Variants in SORT1 observed in about 807,000 individuals in gnomAD.
The protein encoded by SORT1 is sortilin.
In SORT1, 39 loss-of-function variants were observed where a neutral mutation model predicts 101.7. That is an observed-to-expected ratio of 0.38 (90% confidence interval 0.30 to 0.50). The LOEUF (loss-of-function observed/expected upper bound fraction) is 0.50, where lower values mean the gene tolerates loss of function less well. SORT1 is among the 20% of genes least tolerant of loss of function. The probability of loss-of-function intolerance (pLI) is 0.90; values close to 1 mark genes in which losing one functional copy is unlikely to be tolerated. For synonymous variants in SORT1, 396 were observed against 393.7 expected, an observed-to-expected ratio of 1.01 and a Z score of -0.07; for missense variants, 878 against 1,040.4, an observed-to-expected ratio of 0.84 and a Z score of 2.15.
chr1:109,318,090 T>G (rs1647359711), intron 15 of SORT1, 121 bp from the exon 16 acceptor site: 1 of 626,822 alleles, frequency 1.6e-6, no homozygotes, highest in Non-Finnish European at 2.9e-6. Flanking sequence ...TGTTAGAAAG[T>G]AGCTCAGGAA....
At chr1:109,337,400 C>T (rs780008595) in intron 10 of SORT1, among the ~76,000 whole-genome samples, 1 of 151,918 alleles carries the variant, frequency 6.6e-6, no homozygotes, top group African/African-American at 2.4e-5. Context: ...GCACCTGCCG[C>T]CTGGCTAATG....
intron 1 of SORT1, chr1:109,392,708 T>A: frequency 1.0e-6 from 1 of 984,676 alleles, no homozygotes; most frequent in Non-Finnish European, 1.2e-6. Flanking sequence ...TTACACTTCA[T>A]CAAATCTGCT....
chr1:109,348,916 C>G (rs929432557), intron 6 of SORT1, among the ~76,000 whole-genome samples: 1 of 152,052 alleles, frequency 6.6e-6, no homozygotes, highest in Non-Finnish European at 1.5e-5. Flanking sequence ...CTGCAATGAG[C>G]AGAGATCGTG....
chr1:109,363,993 T>C (rs1650913290), intron 3 of SORT1, among the ~76,000 whole-genome samples: 1 of 152,152 alleles, frequency 6.6e-6, no homozygotes, highest in Non-Finnish European at 1.5e-5. Flanking sequence ...AGTTTCCGCC[T>C]AAACTCTGGA....
At chr1:109,364,312 T>C (rs1650939461) in intron 3 of SORT1, among the ~76,000 whole-genome samples, 1 of 152,186 alleles carries the variant, frequency 6.6e-6, no homozygotes, top group South Asian at 2.1e-4. Context: ...TCTTAAGTTG[T>C]TGAGGCATTA....
At chr1:109,327,411 C>T (rs1299590650) in intron 12 of SORT1, 88 bp downstream of exon 12, 1 of 830,546 alleles carries the variant, frequency 1.2e-6, no homozygotes, top group Non-Finnish European at 1.9e-6. Context: ...CACATTGTTT[C>T]TTCTCAGAGC....
chr1:109,349,598 T>A (rs1024351043), intron 6 of SORT1, among the ~76,000 whole-genome samples: 1 of 151,348 alleles, frequency 6.6e-6, no homozygotes, highest in African/African-American at 2.4e-5. Context: ...AGACCCCCTA[T>A]CTCTACAAAA....
intron 10 of SORT1, among the ~76,000 whole-genome samples, chr1:109,337,239 A>ATTTT (rs1208167330): frequency 6.6e-6 from 1 of 151,506 alleles, no homozygotes; most frequent in African/African-American, 2.4e-5. Flanking sequence ...GTTTTCCTTT[A>ATTTT]TTTTTATTTA....
intron 3 of SORT1, among the ~76,000 whole-genome samples, chr1:109,360,692 C>A (rs1249168891): frequency 6.6e-6 from 1 of 152,082 alleles, no homozygotes; most frequent in Non-Finnish European, 1.5e-5. Flanking sequence ...TCCTACAGGT[C>A]CAATATTGGG....
At position 109,314,713 on chromosome 1, in the gene SORT1, T is replaced by A. The variant is rs762140459; in HGVS notation, c.2316A>T (p.Val772=). The change falls in exon 18 of 20, where the codon GTA becomes GTT. Residue 772 remains valine, a synonymous_variant. Transcript: ENST00000256637. ...ATTTCTTCACAATGAGCACTCCTGC[T>A]ACGACTGTGACCAGCATCAATCCCA... The part of the protein sequence containing the change: ...AIVGLMLVTV[V]AGVLIVKKYV... 3.7e-6 allele frequency: 6 copies of A among 1,611,078 alleles called. No individual in the cohort carries two copies. In the Admixed American group the frequency reaches 5.0e-5, roughly 13 times the overall value.
At position 109,369,482 on chromosome 1, in the gene SORT1, TATC is replaced by T. The variant is rs753148480; in HGVS notation, c.366+45_366+47del. 2.5e-6 allele frequency: 3 copies of T among 1,212,172 alleles called. No homozygotes were observed. In the East Asian group the frequency reaches 7.0e-5, roughly 28 times the overall value. 75.1% of individuals were successfully genotyped at this position (1,212,172 alleles called of 1,614,324 possible). A position where few individuals can be genotyped will look rare whatever the true frequency, so the allele number is the denominator to read the frequency against. ...GTGCTTAACCCTTCCCCAAATCTGT[TATC>T]ATCTTCTTGCTGGGCTGAAATAACA... On this transcript the variant is annotated intron_variant, in intron 2 of 19. Transcript: ENST00000256637.
In SORT1 at chr1:109,391,096, T is replaced by C. The variant is rs1251354801; in HGVS notation, c.306+6491A>G. On this transcript the variant is annotated intron_variant, in intron 1 of 19. Coordinates refer to ENST00000256637, the MANE Select transcript of SORT1 (RefSeq NM_002959.7). ...TACTGCTATCTGTTGGGTTTGCTTT[T>C]GGACTATTCAAGCTAGTAGCTTTTA... is the stretch of plus-strand genomic sequence containing the variant. Among the ~76,000 whole-genome samples the C allele has an allele frequency of 2.6e-5, 4 of 152,174 alleles. No individual in the cohort carries two copies. The East Asian group carries it at 7.7e-4, about 29-fold the overall frequency.
At position 109,340,710 on chromosome 1, in the gene SORT1, A is replaced by C; in HGVS notation, c.1264+14T>G. The C allele has an allele frequency of 6.2e-7, 1 of 1,613,942 alleles. No homozygotes were observed. Among genetic ancestry groups the C allele is most frequent in the African/African-American group, 1.3e-5 (1 of 75,046 alleles). ...GCTGAAGGCACAGTACACCACTGCG[A>C]TGCCGAGACTCACCTTCGGAGAGCA... On this transcript the variant is annotated intron_variant, in intron 10 of 19. Coordinates refer to ENST00000256637, the MANE Select transcript of SORT1 (RefSeq NM_002959.7).
chr1:109,361,930 C>T (rs1382187218), intron 3 of SORT1, among the ~76,000 whole-genome samples: 5 of 152,162 alleles, frequency 3.3e-5, no homozygotes, highest in South Asian at 2.1e-4. Flanking sequence ...GTCCTTTTTA[C>T]GGTCTACTTA....
chr1:109,397,406 C>G (rs916832150), intron 1 of SORT1, 181 bp downstream of exon 1: 1 of 195,444 alleles, frequency 5.1e-6, no homozygotes, highest in Non-Finnish European at 9.5e-6. Flanking sequence ...AAACACAGCC[C>G]CGCCGGCCGC....
chr1:109,372,361 A>G (rs10858085), intron 1 of SORT1, among the ~76,000 whole-genome samples: 106,010 of 152,132 alleles, frequency 0.7, 37,523 homozygotes, highest in East Asian at 0.96. Context: ...CATACATTTC[A>G]GCAGCTAACA....
intron 8 of SORT1, among the ~76,000 whole-genome samples, chr1:109,344,683 T>A (rs1649464143): frequency 6.6e-6 from 1 of 152,162 alleles, no homozygotes; most frequent in East Asian, 1.9e-4. Context: ...TATTACCTGA[T>A]ACACACACAC....
chr1:109,360,365 C>T (rs1650637825), intron 3 of SORT1, among the ~76,000 whole-genome samples: 2 of 152,250 alleles, frequency 1.3e-5, no homozygotes, highest in East Asian at 1.9e-4. Flanking sequence ...GAGGGTCTTG[C>T]TCTGCCACCC....
chr1:109,352,343 T>C (rs1650024892), intron 5 of SORT1, among the ~76,000 whole-genome samples: 1 of 151,852 alleles, frequency 6.6e-6, no homozygotes, highest in Non-Finnish European at 1.5e-5. Flanking sequence ...CATTTAAGGG[T>C]AGGCTGAAAG....
Sources: allele counts gnomAD v4.1 joint callset (sites outside exome capture counted in the v4.1 genomes callset), GRCh38; gene constraint gnomAD v4.1.1; transcripts MANE v1.5; gene names NCBI Gene and HGNC (gene_info 2026-07-23, HGNC 2026-07-21).